NEDD4L: variants seen among roughly 807,000 people sequenced by gnomAD.
NEDD4L encodes the protein NEDD4 like E3 ubiquitin protein ligase, also known as E3 ubiquitin-protein ligase NEDD4-like.
NEDD4L carries 54 observed loss-of-function variants against 148.9 expected under a neutral mutation model. That is an observed-to-expected ratio of 0.36 (90% CI 0.29 to 0.45). NEDD4L has a LOEUF of 0.45. NEDD4L is among the 20% of genes least tolerant of loss of function. The pLI is 1.00. For synonymous variants in NEDD4L, 433 were observed against 440.7 expected, an observed-to-expected ratio of 0.98 and a Z score of 0.22; for missense variants, 856 against 1,233.8, an observed-to-expected ratio of 0.69 and a Z score of 4.59.
intron 5 of NEDD4L, among the ~76,000 whole-genome samples, chr18:58,286,819 A>T (rs564051766): frequency 6.6e-6 from 1 of 152,336 alleles, no homozygotes; most frequent in South Asian, 2.1e-4. Flanking sequence ...GATGAAGATG[A>T]CATTATCCTG....
At chr18:58,100,790 T>A (rs568029) in intron 1 of NEDD4L, among the ~76,000 whole-genome samples, 1 of 150,348 alleles carries the variant, frequency 6.7e-6, no homozygotes, top group African/African-American at 2.4e-5. Context: ...AAAGAAAGAA[T>A]GTTTTTATTT....
chr18:58,388,919 G>A (rs1464401706), intron 27 of NEDD4L, 166 bp from the exon 28 acceptor site: 2 of 642,392 alleles, frequency 3.1e-6, no homozygotes, highest in Non-Finnish European at 5.7e-6. Context: ...ATCTGCTATG[G>A]CAGGTGGAGC....
intron 16 of NEDD4L, among the ~76,000 whole-genome samples, chr18:58,344,307 T>G (rs922636747): frequency 2.6e-5 from 4 of 152,224 alleles, no homozygotes; most frequent in Non-Finnish European, 5.9e-5. Context: ...TAGAATCCTT[T>G]GAACCGTGGG....
intron 28 of NEDD4L, chr18:58,390,007 A>G (rs1427882268): frequency 6.6e-6 from 1 of 152,128 alleles, no homozygotes; most frequent in Non-Finnish European, 1.5e-5. Flanking sequence ...ACTATTTCAA[A>G]TGCCAGCAGG....
chr18:58,218,710 C>T (rs145831093), intron 2 of NEDD4L, among the ~76,000 whole-genome samples: 152 of 152,346 alleles, frequency 1.0e-3, no homozygotes, highest in African/African-American at 3.3e-3. Flanking sequence ...TACCCAGCCA[C>T]AAAATGTCAG....
chr18:58,257,139 A>C (rs1465663568), intron 5 of NEDD4L, among the ~76,000 whole-genome samples: 1 of 152,180 alleles, frequency 6.6e-6, no homozygotes, highest in African/African-American at 2.4e-5. Flanking sequence ...TTGGAATTGC[A>C]TTTAAAAAGC....
intron 1 of NEDD4L, among the ~76,000 whole-genome samples, chr18:58,114,096 G>C (rs1018068224): frequency 6.6e-6 from 1 of 152,196 alleles, no homozygotes; most frequent in African/African-American, 2.4e-5. Flanking sequence ...GTAGGCCCTG[G>C]CAGAGACAAG....
chr18:58,116,722 G>A (rs768296880), intron 1 of NEDD4L, among the ~76,000 whole-genome samples: 9 of 152,196 alleles, frequency 5.9e-5, no homozygotes, highest in Non-Finnish European at 1.0e-4. Flanking sequence ...CCAGGCCAGT[G>A]GGCTTCCTAA....
intron 1 of NEDD4L, among the ~76,000 whole-genome samples, chr18:58,061,195 G>A (rs960872119): frequency 1.3e-5 from 2 of 152,152 alleles, no homozygotes; most frequent in Non-Finnish European, 2.9e-5. Flanking sequence ...AAATGCTGCC[G>A]AGGTTGAGAA....
intron 8 of NEDD4L, among the ~76,000 whole-genome samples, chr18:58,323,851 T>C (rs2059070523): frequency 6.6e-6 from 1 of 152,198 alleles, no homozygotes; most frequent in Non-Finnish European, 1.5e-5. Context: ...GCCGCCTGTA[T>C]TTACCTTGTC....
chr18:58,160,466 T>C lies in NEDD4L; in HGVS notation c.49-5322T>C, dbSNP rs2036062926. Among the ~76,000 whole-genome samples, 3 of 152,380 alleles carry C rather than the reference T, an allele frequency of 2.0e-5. No individual in the cohort carries two copies. In the South Asian group the frequency reaches 6.2e-4, roughly 32 times the overall value. On this transcript the variant is annotated intron_variant, in intron 1 of 30. Transcript: ENST00000400345. ...ATAGATTAATAACAGGAAGAGATGC[T>C]GAAACTTCTCTTCAGCCTAGTTTCT...
chr18:58,273,978 T>C (rs1209468591), intron 5 of NEDD4L, among the ~76,000 whole-genome samples: 3 of 152,222 alleles, frequency 2.0e-5, no homozygotes, highest in African/African-American at 7.2e-5. Context: ...AGGCTGGCCT[T>C]GGGGTTGCCC....
intron 24 of NEDD4L, among the ~76,000 whole-genome samples, chr18:58,380,059 T>C (rs2048135345): frequency 7.0e-6 from 1 of 142,642 alleles, no homozygotes; most frequent in South Asian, 2.2e-4. Flanking sequence ...CCATTTTTTC[T>C]TTTCTTTCAA....
intron 2 of NEDD4L, among the ~76,000 whole-genome samples, chr18:58,208,536 T>A (rs577695673): frequency 6.6e-6 from 1 of 152,348 alleles, no homozygotes; most frequent in South Asian, 2.1e-4. Flanking sequence ...GGTTGAGACC[T>A]TTTAAGTCAT....
chr18:58,221,504 C>A, intron 2 of NEDD4L: 1 of 972,584 alleles, frequency 1.0e-6, no homozygotes, highest in Non-Finnish European at 1.2e-6. Context: ...CACCAACAAG[C>A]ATTTCTTTCT....
intron 1 of NEDD4L, among the ~76,000 whole-genome samples, chr18:58,135,537 TTTC>T (rs1294567871): frequency 3.3e-5 from 5 of 152,208 alleles, no homozygotes; most frequent in African/African-American, 9.6e-5. Context: ...GAAAAATCAC[TTTC>T]TTCTTCTCTA....
At position 58,308,084 on chromosome 18, in the gene NEDD4L, C is replaced by T. The variant is rs539130791; in HGVS notation, c.298-7898C>T. ...ATAAAACCAGAAGCACAAAATTAAA[C>T]AATATTATATTAAGAGAACCCAGTG... On this transcript the variant is annotated intron_variant, in intron 5 of 30. Transcript: ENST00000400345. Among the ~76,000 whole-genome samples, 180 of 152,196 alleles carry T rather than the reference C, an allele frequency of 1.2e-3. 1 individual carries two copies. Among genetic ancestry groups the T allele is most frequent in the African/African-American group, 4.2e-3 (175 of 41,526 alleles).
Position 58,367,728 on chromosome 18 carries a change from T to G in NEDD4L, c.2064-18T>G, listed in dbSNP as rs772681616. The G allele has an allele frequency of 6.2e-7, 1 of 1,612,142 alleles. No individual in the cohort carries two copies. Among genetic ancestry groups the G allele is most frequent in the Non-Finnish European group, 8.5e-7 (1 of 1,179,400 alleles). On this transcript the variant is annotated intron_variant, in intron 21 of 30. Coordinates refer to ENST00000400345, the MANE Select transcript of NEDD4L (RefSeq NM_001144967.3). The stretch of plus-strand genomic sequence containing the variant: ...TTTGAAAGTGTGATTGGGCTTTTCT[T>G]CTCTTTCTCCTCAAAAGGGACAACT...
At chr18:58,291,540 C>T (rs1278358912) in intron 5 of NEDD4L, among the ~76,000 whole-genome samples, 1 of 152,286 alleles carries the variant, frequency 6.6e-6, no homozygotes, top group Non-Finnish European at 1.5e-5. Flanking sequence ...TTTCTGACCC[C>T]TGAGAATAAT....
Sources: gnomAD v4.1 joint callset for allele counts (sites outside exome capture counted in the v4.1 genomes callset) on GRCh38, gnomAD v4.1.1 for gene constraint, MANE v1.5 for transcripts, NCBI Gene and HGNC (gene_info 2026-07-23, HGNC 2026-07-21) for gene names.